The following HDX variants were observed in gnomAD, a reference collection of about 807,000 sequenced individuals.
The protein encoded by HDX is chromosome X open reading frame 43.
In HDX, 19 loss-of-function variants were observed where a neutral mutation model predicts 45.2. The ratio of observed to expected loss-of-function variants is 0.42; its 90% CI spans 0.29 to 0.62. HDX has a LOEUF of 0.62. HDX is among the 20% of genes least tolerant of loss of function. The pLI, the probability that HDX is intolerant of heterozygous loss-of-function variation, is 0.20. For synonymous variants in HDX, 188 were observed against 172.8 expected (o/e 1.09, Z -0.69); for missense variants, 532 against 493.9 (o/e 1.08, Z -0.73).
intron 6 of HDX, among the ~76,000 whole-genome samples, chrX:84,358,844 G>C (rs2037550078): frequency 9.0e-6 from 1 of 111,183 alleles, no homozygotes; most frequent in African/African-American, 3.3e-5. Flanking sequence ...CTACAGGTAT[G>C]TACTACCAAG....
intron 5 of HDX, chrX:84,440,244 G>T (rs2039731584): frequency 9.7e-6 from 2 of 205,810 alleles, no homozygotes; most frequent in African/African-American, 3.0e-5. Context: ...AAATTAATTG[G>T]GTTGATTAGA....
intron 5 of HDX, among the ~76,000 whole-genome samples, chrX:84,399,257 C>CCA (rs1217829222): frequency 9.3e-6 from 1 of 107,689 alleles, no homozygotes; most frequent in African/African-American, 3.4e-5. Context: ...AACCCCCCCC[C>CCA]AAAAAAACAA....
At chrX:84,341,890 C>T (rs914094743) in intron 7 of HDX, among the ~76,000 whole-genome samples, 2 of 110,085 alleles carry the variant, frequency 1.8e-5, no homozygotes, top group Non-Finnish European at 1.9e-5. Context: ...CCACTGCACC[C>T]GACTCTTTCC....
chrX:84,353,641 T>C (rs2037409877), intron 6 of HDX, among the ~76,000 whole-genome samples: 1 of 79,143 alleles, frequency 1.3e-5, no homozygotes, highest in South Asian at 6.0e-4. Flanking sequence ...CTGAGCTAAA[T>C]GTTTCCCAGA....
chrX:84,430,922 TA>T (rs2039491746), intron 5 of HDX, among the ~76,000 whole-genome samples: 1 of 110,575 alleles, frequency 9.0e-6, no homozygotes, highest in Non-Finnish European at 1.9e-5. Context: ...GCTATTTAGG[TA>T]AGTTGCATAT....
intron 1 of HDX, among the ~76,000 whole-genome samples, chrX:84,494,383 A>T (rs926070537): frequency 8.9e-6 from 1 of 112,432 alleles, no homozygotes; most frequent in Non-Finnish European, 1.9e-5. Context: ...AACATTTCAC[A>T]ATCTTGCAAA....
At chrX:84,351,231 CA>C (rs2037351843) in intron 6 of HDX, among the ~76,000 whole-genome samples, 1 of 111,181 alleles carries the variant, frequency 9.0e-6, no homozygotes, top group Non-Finnish European at 1.9e-5. Flanking sequence ...GGCTCATCAT[CA>C]CCTCTAAGTG....
chrX:84,483,057 T>C (rs1010354993), intron 2 of HDX, among the ~76,000 whole-genome samples: 3 of 111,582 alleles, frequency 2.7e-5, no homozygotes, highest in Non-Finnish European at 5.7e-5. Context: ...ATGCAAGGAG[T>C]GGGCATCAAA....
At chrX:84,397,186 C>T (rs1252302913) in intron 5 of HDX, among the ~76,000 whole-genome samples, 1 of 112,195 alleles carries the variant, frequency 8.9e-6, no homozygotes, top group Non-Finnish European at 1.9e-5. Flanking sequence ...AGTGGAGTCA[C>T]TGCCTGTTGC....
chrX:84,322,090 C>T, intron 10 of HDX, 76 bp from the exon 11 acceptor site: 1 of 591,863 alleles, frequency 1.7e-6, no homozygotes, highest in Non-Finnish European at 2.5e-6. Context: ...AGTTGTAGTC[C>T]TCCCATGGTG....
At chrX:84,325,437 T>C (rs1364807921) in intron 10 of HDX, among the ~76,000 whole-genome samples, 1 of 111,697 alleles carries the variant, frequency 9.0e-6, no homozygotes, top group Admixed American at 9.5e-5. Flanking sequence ...ATAGCTCAAA[T>C]GAAAATTTGG....
rs1338103512 is a variant in HDX at position 84,319,542 on chromosome X, T to C, written c.*2347A>G. The C allele has an allele frequency of 9.0e-6, 1 of 111,061 alleles. No individual in the cohort carries two copies. Among genetic ancestry groups the C allele is most frequent in the Non-Finnish European group, 1.9e-5 (1 of 52,521 alleles). 9.2% of individuals were successfully genotyped at this position (111,061 alleles called of 1,213,427 possible). ...TTTAGAAGTGTTTTAATTCCAATGA[T>C]GGTGAAGAAAAATATTCTGGTGCTG... On this transcript the variant is annotated 3_prime_UTR_variant, in exon 11 of 11. Coordinates refer to ENST00000373177, the MANE Select transcript of HDX (RefSeq NM_001177479.2).
At chrX:84,459,853 G>C (rs995396440) in intron 4 of HDX, among the ~76,000 whole-genome samples, 6 of 111,279 alleles carry the variant, frequency 5.4e-5, no homozygotes, top group Non-Finnish European at 1.1e-4. Context: ...TATAAAAGGA[G>C]ACATTATAAC....
Position 84,404,074 on chromosome X carries a change from A to C in HDX, c.1305+36458T>G, listed in dbSNP as rs368991823. On this transcript the variant is annotated intron_variant, in intron 5 of 10. Transcript: ENST00000373177. ...AATGTGCTGCTTTAAAGCATCTTTAAATGAATCAGACTGGTAATCTCATTA... is the reference window on the plus strand; with the variant it reads ...AATGTGCTGCTTTAAAGCATCTTTACATGAATCAGACTGGTAATCTCATTA... 3.6e-5 allele frequency: 4 copies of C among 111,516 alleles called. No individual in the cohort carries two copies. The East Asian group carries it at 8.5e-4, about 24-fold the overall frequency. 9.2% of individuals were successfully genotyped at this position (111,516 alleles called of 1,213,427 possible).
At chrX:84,347,361 GC>G (rs2037231012) in intron 6 of HDX, among the ~76,000 whole-genome samples, 1 of 110,341 alleles carries the variant, frequency 9.1e-6, no homozygotes, top group Non-Finnish European at 1.9e-5. Flanking sequence ...ACCATGTCCA[GC>G]TTTTGTCTAG....
At chrX:84,485,062 T>C (rs777334630) in intron 2 of HDX, among the ~76,000 whole-genome samples, 34 of 112,223 alleles carry the variant, frequency 3.0e-4, no homozygotes, top group African/African-American at 1.1e-3. Flanking sequence ...CAGATATCTT[T>C]CTGTTATTAA....
intron 5 of HDX, among the ~76,000 whole-genome samples, chrX:84,391,434 G>A (rs776547587): frequency 1.8e-5 from 2 of 111,443 alleles, no homozygotes; most frequent in South Asian, 7.5e-4. Context: ...TCCTATATTT[G>A]ATATAGTGAT....
intron 2 of HDX, among the ~76,000 whole-genome samples, chrX:84,480,470 T>C (rs2040653062): frequency 9.0e-6 from 1 of 111,655 alleles, no homozygotes; most frequent in Non-Finnish European, 1.9e-5. Context: ...AGTATGATGT[T>C]CGCTACAGGT....
rs1467442539 is a variant in HDX at position 84,321,675 on chromosome X, T to TA, written c.*213dup. ...AATTTTTTTCCAGAGTTCCATCAGT[T>TA]AAAAAAATACTCTCTCAAACAATGC... On this transcript the variant is annotated 3_prime_UTR_variant, in exon 11 of 11. Transcript: ENST00000373177. 3.7e-5 allele frequency: 9 copies of TA among 246,222 alleles called. No homozygotes were observed. The highest frequency in any genetic ancestry group is 6.7e-5 in the Non-Finnish European group (9 of 135,279). 20.3% of individuals were successfully genotyped at this position (246,222 alleles called of 1,213,427 possible).
Sources: allele counts gnomAD v4.1 joint callset (sites outside exome capture counted in the v4.1 genomes callset), GRCh38; gene constraint gnomAD v4.1.1; transcripts MANE v1.5; gene names NCBI Gene and HGNC (gene_info 2026-07-23, HGNC 2026-07-21).